The following MARCHF1 variants were observed in gnomAD, a reference collection of about 807,000 sequenced individuals.
The protein encoded by MARCHF1 is E3 ubiquitin-protein ligase MARCHF1.
Under a neutral mutation model 54.2 loss-of-function variants are expected in MARCHF1, and 40 were observed. The ratio of observed to expected loss-of-function variants is 0.74; its 90% CI spans 0.57 to 0.96. The LOEUF (loss-of-function observed/expected upper bound fraction) is 0.96. MARCHF1 is among the 40% of genes least tolerant of loss of function. The probability of loss-of-function intolerance (pLI) is 0.00; values close to 1 mark genes in which losing one functional copy is unlikely to be tolerated. For synonymous variants in MARCHF1, 236 were observed against 236.3 expected (o/e 1.00, Z 0.01); for missense variants, 586 against 656.5 (o/e 0.89, Z 1.17).
intron 5 of MARCHF1, among the ~76,000 whole-genome samples, chr4:163,664,851 G>A (rs1743476187): frequency 6.6e-6 from 1 of 151,892 alleles, no homozygotes; most frequent in South Asian, 2.1e-4. Flanking sequence ...AGTATACATA[G>A]GGCTTAGGGC....
rs76116714 is a variant in MARCHF1 at position 163,920,595 on chromosome 4, T to C, written c.-38-66426A>G. Among the ~76,000 whole-genome samples, 1,404 of 152,252 alleles carry C rather than the reference T, an allele frequency of 9.2e-3. 23 individuals carry two copies. The highest frequency in any genetic ancestry group is 0.031 in the African/African-American group (1,294 of 41,544). On this transcript the variant is annotated intron_variant, in intron 3 of 9. Coordinates refer to ENST00000514618, the MANE Select transcript of MARCHF1 (RefSeq NM_001394959.1). The stretch of plus-strand genomic sequence containing the variant: ...GCTACTATAGCCCTGGTGTTCCTCT[T>C]TGGTCCAGGGAGAACTCCTGTGCGC...
intron 1 of MARCHF1, among the ~76,000 whole-genome samples, chr4:164,115,587 T>C (rs1188446774): frequency 6.6e-6 from 1 of 152,092 alleles, no homozygotes; most frequent in African/African-American, 2.4e-5. Flanking sequence ...TAAGAAACTA[T>C]ATACAAAACT....
intron 5 of MARCHF1, among the ~76,000 whole-genome samples, chr4:163,624,340 C>T (rs1560981094): frequency 6.6e-6 from 1 of 152,178 alleles, no homozygotes; most frequent in Non-Finnish European, 1.5e-5. Flanking sequence ...ACACCCATTC[C>T]TTCAAGCGGT....
chr4:163,937,276 A>G (rs2110738070), intron 3 of MARCHF1, among the ~76,000 whole-genome samples: 1 of 152,276 alleles, frequency 6.6e-6, no homozygotes, highest in Admixed American at 6.5e-5. Context: ...ATATACATAC[A>G]CATATATACT....
chr4:163,844,584 G>A (rs1012607118), intron 4 of MARCHF1, among the ~76,000 whole-genome samples: 6 of 152,068 alleles, frequency 3.9e-5, no homozygotes, highest in African/African-American at 1.4e-4. Context: ...ATAGTGTTTG[G>A]CACATAAATG....
chr4:163,702,879 G>A (rs1271901012), intron 4 of MARCHF1, among the ~76,000 whole-genome samples: 1 of 152,162 alleles, frequency 6.6e-6, no homozygotes, highest in East Asian at 1.9e-4. Flanking sequence ...TTCTACACCA[G>A]TACATGGAAG....
intron 3 of MARCHF1, among the ~76,000 whole-genome samples, chr4:163,925,493 A>T (rs1391781971): frequency 1.3e-5 from 2 of 151,880 alleles, no homozygotes; most frequent in Non-Finnish European, 1.5e-5. Flanking sequence ...CCATTGTTAC[A>T]TTACTACTTG....
At chr4:163,524,513 T>G (rs914965896), downstream of MARCHF1, 1 of 152,218 alleles carries the variant, frequency 6.6e-6, no homozygotes, top group Non-Finnish European at 1.5e-5. Context: ...TAAAGCAGGT[T>G]TGAAAGTCCA....
intron 1 of MARCHF1, among the ~76,000 whole-genome samples, chr4:164,153,811 A>G (rs918984535): frequency 2.6e-5 from 4 of 152,026 alleles, no homozygotes; most frequent in Non-Finnish European, 4.4e-5. Context: ...GCTATTAACA[A>G]AAGTCATAAA....
At chr4:163,697,466 G>A (rs1442895520) in intron 5 of MARCHF1, among the ~76,000 whole-genome samples, 1 of 152,182 alleles carries the variant, frequency 6.6e-6, no homozygotes, top group African/African-American at 2.4e-5. Flanking sequence ...GCTCACTAAG[G>A]AATGGGGAAG....
At chr4:164,101,540 G>A (rs942572826) in intron 2 of MARCHF1, among the ~76,000 whole-genome samples, 5 of 130,288 alleles carry the variant, frequency 3.8e-5, no homozygotes, top group Non-Finnish European at 5.1e-5. Flanking sequence ...CAACAGACCT[G>A]CAGCTGAGGG....
chr4:164,060,806 G>A (rs1324478724), intron 2 of MARCHF1, among the ~76,000 whole-genome samples: 2 of 152,220 alleles, frequency 1.3e-5, no homozygotes, highest in African/African-American at 2.4e-5. Context: ...AAGCAACAAC[G>A]AAGATGTTCC....
chr4:163,754,844 C>T (rs1371603022), intron 4 of MARCHF1, among the ~76,000 whole-genome samples: 1 of 151,828 alleles, frequency 6.6e-6, no homozygotes, highest in Non-Finnish European at 1.5e-5. Context: ...AGTTAAAACA[C>T]GGGACCCTGA....
chr4:163,735,603 C>T (rs1746011000), intron 4 of MARCHF1, among the ~76,000 whole-genome samples: 1 of 152,144 alleles, frequency 6.6e-6, no homozygotes, highest in African/African-American at 2.4e-5. Flanking sequence ...TGTGAAGTTT[C>T]TTGTATAAGA....
intron 3 of MARCHF1, among the ~76,000 whole-genome samples, chr4:163,914,708 TG>T (rs1478687512): frequency 6.6e-6 from 1 of 152,156 alleles, no homozygotes; most frequent in Admixed American, 6.6e-5. Context: ...TAGTAGTGTT[TG>T]TTTTTGTTTT....
At chr4:163,849,358 C>A (rs1009219800) in intron 4 of MARCHF1, among the ~76,000 whole-genome samples, 1 of 39,180 alleles carries the variant, frequency 2.6e-5, no homozygotes, top group Non-Finnish European at 2.8e-4. Flanking sequence ...AATAATCAGC[C>A]ACCATCATTA....
In MARCHF1 at chr4:164,361,018, T is replaced by C. The variant is rs556262503; in HGVS notation, c.-323+22852A>G. On this transcript the variant is annotated intron_variant, in intron 1 of 9. Coordinates refer to ENST00000514618, the MANE Select transcript of MARCHF1 (RefSeq NM_001394959.1). Reference sequence around the variant, plus strand: ...ACCATAATGACCCTAGAGCACCTGATGGTCTAGAGCACTTGATGGTCTAGG... The same window carrying C: ...ACCATAATGACCCTAGAGCACCTGACGGTCTAGAGCACTTGATGGTCTAGG... Among the ~76,000 whole-genome samples, 3 of 151,874 alleles carry C rather than the reference T, an allele frequency of 2.0e-5. No homozygotes were observed. In the East Asian group the frequency reaches 6.0e-4, roughly 30 times the overall value.
chr4:164,378,569 G>A (rs985730695), intron 1 of MARCHF1, among the ~76,000 whole-genome samples: 4 of 152,188 alleles, frequency 2.6e-5, no homozygotes, highest in African/African-American at 2.4e-5. Context: ...TTGGCATCTG[G>A]GAGCCCAGAA....
At chr4:164,197,385 T>G (rs1416247708) in intron 1 of MARCHF1, 2 of 1,613,202 alleles carry the variant, frequency 1.2e-6, no homozygotes, top group African/African-American at 1.3e-5. Flanking sequence ...TCTTGAGGTT[T>G]TCTAACTGTT....
Sources: allele counts gnomAD v4.1 joint callset (sites outside exome capture counted in the v4.1 genomes callset), GRCh38; gene constraint gnomAD v4.1.1; transcripts MANE v1.5; gene names NCBI Gene and HGNC (gene_info 2026-07-23, HGNC 2026-07-21).